Variants in EYS observed in about 807,000 individuals in gnomAD.
The protein encoded by EYS is protein eyes shut homolog.
Under a neutral mutation model 282.1 loss-of-function variants are expected in EYS, and 250 were observed. The ratio of observed to expected loss-of-function variants is 0.89; its 90% CI spans 0.80 to 0.98. The LOEUF is 0.98. Among genes scored for constraint, EYS ranks in the 50% least tolerant of loss-of-function variants. The probability of loss-of-function intolerance (pLI) is 0.00; values close to 1 mark genes in which losing one functional copy is unlikely to be tolerated. For synonymous variants in EYS, 1,355 were observed against 1,282.9 expected (o/e 1.06, Z -1.20); for missense variants, 4,016 against 3,709.0 (o/e 1.08, Z -2.15).
At chr6:64,176,701 A>G (rs191887552) in intron 31 of EYS, among the ~76,000 whole-genome samples, 4 of 152,196 alleles carry the variant, frequency 2.6e-5, no homozygotes, top group Admixed American at 2.6e-4. Flanking sequence ...GGTGCCTTTA[A>G]ATATGATGCT....
intron 33 of EYS, among the ~76,000 whole-genome samples, chr6:64,029,140 C>A (rs1230189348): frequency 6.6e-6 from 1 of 152,146 alleles, no homozygotes; most frequent in Admixed American, 6.5e-5. Context: ...GCCTTCAAAA[C>A]CTTAAGGCAG....
At chr6:64,196,663 A>T (rs1765297877) in intron 31 of EYS, among the ~76,000 whole-genome samples, 1 of 149,546 alleles carries the variant, frequency 6.7e-6, no homozygotes, top group Admixed American at 6.7e-5. Context: ...CAAACACCGC[A>T]TGTTCTCACT....
chr6:64,179,375 A>G (rs759221981), intron 31 of EYS, among the ~76,000 whole-genome samples: 6 of 152,094 alleles, frequency 3.9e-5, no homozygotes, highest in Non-Finnish European at 8.8e-5. Context: ...TAAAATGCCA[A>G]TTTTAAATCA....
intron 33 of EYS, among the ~76,000 whole-genome samples, chr6:64,041,226 A>G (rs142859819): frequency 1.5e-4 from 23 of 152,126 alleles, no homozygotes; most frequent in Non-Finnish European, 2.6e-4. Context: ...TCCATCATAG[A>G]TCTGTACTTG....
chr6:64,006,869 G>C (rs913067937), intron 33 of EYS, among the ~76,000 whole-genome samples: 1 of 152,050 alleles, frequency 6.6e-6, no homozygotes, highest in African/African-American at 2.4e-5. Flanking sequence ...GATAAGCTTT[G>C]TGATGTGCTG....
At chr6:64,312,265 A>G (rs993886778) in intron 29 of EYS, among the ~76,000 whole-genome samples, 2 of 152,086 alleles carry the variant, frequency 1.3e-5, no homozygotes, top group Non-Finnish European at 2.9e-5. Context: ...AGCCACTGGT[A>G]AGTTGGAACT....
At chr6:64,179,414 A>G (rs1351146938) in intron 31 of EYS, among the ~76,000 whole-genome samples, 1 of 152,084 alleles carries the variant, frequency 6.6e-6, no homozygotes, top group Non-Finnish European at 1.5e-5. Context: ...TAACTTTCAG[A>G]GTTTTTGAAA....
intron 22 of EYS, among the ~76,000 whole-genome samples, chr6:64,782,594 TA>T (rs936330456): frequency 6.6e-6 from 1 of 152,184 alleles, no homozygotes; most frequent in Non-Finnish European, 1.5e-5. Flanking sequence ...CTGTTCTCTT[TA>T]AAAAACTTAA....
intron 40 of EYS, among the ~76,000 whole-genome samples, 178 bp from the exon 41 acceptor site, chr6:63,762,811 G>A (rs1446850704): frequency 6.6e-6 from 1 of 152,004 alleles, no homozygotes; most frequent in Non-Finnish European, 1.5e-5. Context: ...TAGGATTACT[G>A]GACTCCACAC....
Position 64,593,281 on chromosome 6 carries a change from T to G in EYS, c.3713A>C (p.Asp1238Ala), listed in dbSNP as rs1338694656. 2 of 1,550,574 alleles carry G rather than the reference T, an allele frequency of 1.3e-6. No homozygotes were observed. The highest frequency in any genetic ancestry group is 2.4e-5 in the South Asian group (2 of 83,978). The change falls in exon 25 of 43, where the codon GAT becomes GCT. Residue 1238 changes from aspartate (D) to alanine (A), a missense_variant. Coordinates refer to ENST00000503581, the MANE Select transcript of EYS (RefSeq NM_001142800.2). ...MTCSIGLLCG[D>A]EIRRITCLTP... The stretch of plus-strand genomic sequence containing the variant: ...TAAACAGGTAATTCTCCTTATTTCA[T>G]CACCACAAAGAAGCCCAATGGAGCA...
chr6:64,088,442 C>CT (rs906334594), intron 31 of EYS, among the ~76,000 whole-genome samples: 14 of 151,886 alleles, frequency 9.2e-5, no homozygotes, highest in African/African-American at 3.1e-4. Context: ...ACTTATCAAA[C>CT]TAATTATATT....
chr6:65,669,529 G>A (rs1768313651), intron 1 of EYS, among the ~76,000 whole-genome samples: 2 of 151,924 alleles, frequency 1.3e-5, no homozygotes, highest in Non-Finnish European at 2.9e-5. Flanking sequence ...CCTTCATGAT[G>A]TCAATAGCTG....
intron 31 of EYS, among the ~76,000 whole-genome samples, chr6:64,120,184 A>T (rs1018373046): frequency 1.5e-5 from 2 of 137,092 alleles, no homozygotes; most frequent in Non-Finnish European, 3.1e-5. Context: ...TGTCTCTACT[A>T]AAAAAAAAAA....
intron 29 of EYS, among the ~76,000 whole-genome samples, chr6:64,387,275 ACTT>A (rs528247324): frequency 7.1e-4 from 108 of 152,152 alleles, no homozygotes; most frequent in African/African-American, 2.5e-3. Context: ...CAACTCCTCT[ACTT>A]CTTCAGAGAG....
intron 12 of EYS, among the ~76,000 whole-genome samples, chr6:65,178,439 G>A (rs1765285092): frequency 6.6e-6 from 1 of 151,890 alleles, no homozygotes; most frequent in African/African-American, 2.4e-5. Flanking sequence ...CAAGATGGAC[G>A]AATAGGAACA....
At chr6:64,057,839 G>A (rs1771037110) in intron 33 of EYS, among the ~76,000 whole-genome samples, 1 of 151,976 alleles carries the variant, frequency 6.6e-6, no homozygotes, top group Non-Finnish European at 1.5e-5. Context: ...GAATCTGTTT[G>A]TTTTTCCTTT....
intron 29 of EYS, among the ~76,000 whole-genome samples, chr6:64,348,442 T>A (rs535051017): frequency 0.3 from 267 of 892 alleles, no homozygotes; most frequent in Middle Eastern, 0.5. Context: ...TGGAAGCCAC[T>A]CCCATGGAAG....
chr6:64,927,150 G>A (rs1236574063), intron 15 of EYS, among the ~76,000 whole-genome samples: 1 of 152,054 alleles, frequency 6.6e-6, no homozygotes, highest in Non-Finnish European at 1.5e-5. Context: ...CTAACTTTGT[G>A]TGGAAAAAAA....
intron 12 of EYS, among the ~76,000 whole-genome samples, chr6:65,200,785 C>A (rs7757842): frequency 0.033 from 4,963 of 151,932 alleles, 151 homozygotes; most frequent in African/African-American, 0.058. Flanking sequence ...ACAAAATTTT[C>A]TCAAGCTTCC....
Sources: gnomAD v4.1 joint callset for allele counts (sites outside exome capture counted in the v4.1 genomes callset) on GRCh38, gnomAD v4.1.1 for gene constraint, MANE v1.5 for transcripts, NCBI Gene and HGNC (gene_info 2026-07-23, HGNC 2026-07-21) for gene names.